Variants in SCYL3 observed in about 807,000 individuals in gnomAD.
SCYL3 encodes protein-associating with the carboxyl-terminal domain of ezrin.
Under a neutral mutation model 73.8 loss-of-function variants are expected in SCYL3, and 35 were observed. That is an observed-to-expected ratio of 0.47 (90% CI 0.36 to 0.63). SCYL3 has a LOEUF of 0.63. Among genes scored for constraint, SCYL3 ranks in the 20% least tolerant of loss-of-function variants. The pLI is 0.00. For missense variants in SCYL3, 712 were observed against 798.9 expected (o/e 0.89, Z 1.31); for synonymous variants, 277 against 295.2 (o/e 0.94, Z 0.63).
chr1:169,853,156 T>C lies in SCYL3; in HGVS notation c.*557A>G. 1.5e-6 allele frequency: 1 copy of C among 685,838 alleles called. No homozygotes were observed. Among genetic ancestry groups the C allele is most frequent in the Non-Finnish European group, 2.5e-6 (1 of 407,690 alleles). 42.5% of individuals were successfully genotyped at this position (685,838 alleles called of 1,614,324 possible). On this transcript the variant is annotated 3_prime_UTR_variant, in exon 13 of 13. Coordinates refer to ENST00000367771, the MANE Select transcript of SCYL3 (RefSeq NM_020423.7). The stretch of plus-strand genomic sequence containing the variant: ...TGTGGGGAATATTCTTATTAAGAAC[T>C]TTGGTACAATGTACTACATGTGGAA...
chr1:169,873,595 A>T (rs1660584388), intron 5 of SCYL3, 101 bp downstream of exon 5: 5 of 720,816 alleles, frequency 6.9e-6, no homozygotes, highest in Non-Finnish European at 1.2e-5. Context: ...TGAGGCATCT[A>T]TAACTCAGTA....
rs1387316519 is a variant in SCYL3, at chr1:169,851,468, G to A, written c.*2245C>T. 1.1e-5 allele frequency: 2 copies of A among 182,234 alleles called. No individual in the cohort carries two copies. Among genetic ancestry groups the A allele is most frequent in the Non-Finnish European group, 1.1e-5 (1 of 87,664 alleles). 11.3% of individuals were successfully genotyped at this position (182,234 alleles called of 1,614,324 possible). A position where few individuals can be genotyped will look rare whatever the true frequency, so the allele number is the denominator to read the frequency against. ...AGCATTCCTCCCACCAAAGTCCTGGGATTAGAGGCATGAGCCACCACACTT... is the reference window on the plus strand; with the variant it reads ...AGCATTCCTCCCACCAAAGTCCTGGAATTAGAGGCATGAGCCACCACACTT... On this transcript the variant is annotated 3_prime_UTR_variant, in exon 13 of 13. Transcript: ENST00000367771.
In SCYL3 at chr1:169,849,737, T is replaced by A; in HGVS notation, c.*3976A>T. On this transcript the variant is annotated 3_prime_UTR_variant, in exon 13 of 13. Coordinates refer to ENST00000367771, the MANE Select transcript of SCYL3 (RefSeq NM_020423.7). The stretch of plus-strand genomic sequence containing the variant: ...GAAAATTGTCTGAAGGGTACATTAC[T>A]CGTTATCTCTTTTACAGCTTCTCAA... The A allele has an allele frequency of 1.5e-6, 1 of 672,490 alleles. No homozygotes were observed. The highest frequency in any genetic ancestry group is 2.5e-6 in the Non-Finnish European group (1 of 395,886). 41.7% of individuals were successfully genotyped at this position (672,490 alleles called of 1,614,324 possible).
rs1661755488 is a variant in SCYL3 at position 169,887,360 on chromosome 1, T to C, written c.165+1316A>G. ...TGTTTTTTCCTTTAAAAACTCGATC[T>C]AGGTTATTCAATTTTCTTGGTACGT... On this transcript the variant is annotated intron_variant, in intron 2 of 12. Transcript: ENST00000367771. 3.3e-5 allele frequency among the ~76,000 whole-genome samples: 5 copies of C among 152,166 alleles called. No homozygotes were observed. In the South Asian group the frequency reaches 1.0e-3, roughly 31 times the overall value.
rs932336827 is a variant in SCYL3, at chr1:169,851,517, C to A, written c.*2196G>T. ...TTGGCCTACTTATATTACATCTAAGCTGGATTTTAAGTACATGTGTATACA... is the reference window on the plus strand; with the variant it reads ...TTGGCCTACTTATATTACATCTAAGATGGATTTTAAGTACATGTGTATACA... On this transcript the variant is annotated 3_prime_UTR_variant, in exon 13 of 13. Transcript: ENST00000367771. The A allele has an allele frequency of 2.2e-5, 6 of 267,136 alleles. No individual in the cohort carries two copies. Among genetic ancestry groups the A allele is most frequent in the Non-Finnish European group, 3.5e-5 (5 of 141,872 alleles). The allele number at this position is 267,136 out of a possible 1,614,324, so 16.5% of individuals were successfully genotyped here.
chr1:169,862,062 T>C (rs10919259), intron 10 of SCYL3, among the ~76,000 whole-genome samples: 40,647 of 152,210 alleles, frequency 0.27, 5,961 homozygotes, highest in Middle Eastern at 0.36. Flanking sequence ...CAGGGTCCTG[T>C]TGACACCCTG....
In SCYL3 at chr1:169,852,834, G is replaced by GTAC; in HGVS notation, c.*876_*878dup. The GTAC allele has an allele frequency of 6.2e-7, 1 of 1,614,116 alleles. No individual in the cohort carries two copies. The highest frequency in any genetic ancestry group is 8.5e-7 in the Non-Finnish European group (1 of 1,179,988). ...GTCAGGAGTTCCCCTGGGAAGAAGA[G>GTAC]TACAGGTCAGCGCTGCATACAATAG... On this transcript the variant is annotated 3_prime_UTR_variant, in exon 13 of 13. Transcript: ENST00000367771.
At chr1:169,879,999 G>A (rs1175043863) in intron 2 of SCYL3, among the ~76,000 whole-genome samples, 1 of 152,098 alleles carries the variant, frequency 6.6e-6, no homozygotes, top group Non-Finnish European at 1.5e-5. Flanking sequence ...CAGGTTTGGG[G>A]ACTCACACCT....
Position 169,862,673 on chromosome 1 carries a change from G to GT in SCYL3, c.1079dup (p.His360GlnfsTer28). The GT allele has an allele frequency of 6.2e-7, 1 of 1,614,176 alleles. No individual in the cohort carries two copies. Among genetic ancestry groups the GT allele is most frequent in the Non-Finnish European group, 8.5e-7 (1 of 1,180,036 alleles). Reference sequence around the variant, plus strand: ...TGAAGTGCTCCACGTAGGCCTCGATGTGAGACAGCAGCACCATCCGCACAT... The same window carrying GT: ...TGAAGTGCTCCACGTAGGCCTCGATGTTGAGACAGCAGCACCATCCGCACAT... On this transcript the variant is annotated frameshift_variant, in exon 10 of 13. Transcript: ENST00000367771. LOFTEE classifies it high-confidence loss of function.
chr1:169,874,466 T>C (rs1286550855), intron 4 of SCYL3, among the ~76,000 whole-genome samples: 1 of 152,128 alleles, frequency 6.6e-6, no homozygotes, highest in Admixed American at 6.5e-5. Context: ...AGAAAGGAGA[T>C]TAAAGCCAGA....
intron 3 of SCYL3, 95 bp from the exon 4 acceptor site, chr1:169,876,186 T>C (rs1036011513): frequency 2.8e-5 from 19 of 681,256 alleles, no homozygotes; most frequent in Non-Finnish European, 4.0e-5. Context: ...CTCACAATCT[T>C]TATTTTAAAA....
chr1:169,889,985 A>G (rs533352928), intron 1 of SCYL3, among the ~76,000 whole-genome samples: 1 of 152,350 alleles, frequency 6.6e-6, no homozygotes, highest in South Asian at 2.1e-4. Flanking sequence ...ATCTTCTACA[A>G]TATGAACAGC....
At chr1:169,856,552 G>A (rs1352934392) in intron 11 of SCYL3, among the ~76,000 whole-genome samples, 2 of 152,042 alleles carry the variant, frequency 1.3e-5, no homozygotes, top group South Asian at 2.1e-4. Flanking sequence ...AACTCTTAAC[G>A]ATTAGGTCCC....
intron 4 of SCYL3, among the ~76,000 whole-genome samples, chr1:169,875,711 G>A (rs925279687): frequency 3.3e-5 from 5 of 152,138 alleles, no homozygotes; most frequent in African/African-American, 1.2e-4. Flanking sequence ...CAGAGAGGAG[G>A]GGCATTTAAC....
rs61734334 is a variant in SCYL3 at position 169,878,679 on chromosome 1, A to T, written c.306T>A (p.Ala102=). Residue 102 remains alanine (A), a synonymous_variant, in exon 3 of 13, where the codon GCT becomes GCA. Transcript: ENST00000367771. ...GAGCCAGCAATATGTCATAGATCCC[A>T]GCACAGACCTCTGCAGAAGACAATG... is the stretch of plus-strand genomic sequence containing the variant. ...LETLSSAEVC[A]GIYDILLALI... The T allele has an allele frequency of 2.4e-3, 3,805 of 1,614,144 alleles. 73 individuals carry two copies. In the African/African-American group the frequency reaches 0.043, roughly 18 times the overall value.
intron 1 of SCYL3, among the ~76,000 whole-genome samples, chr1:169,891,088 A>T (rs1458661093): frequency 6.6e-6 from 1 of 152,200 alleles, no homozygotes; most frequent in Admixed American, 6.5e-5. Flanking sequence ...TGAAGAGATA[A>T]ACTGGCCAGA....
intron 2 of SCYL3, among the ~76,000 whole-genome samples, chr1:169,880,854 C>T (rs1378269244): frequency 3.3e-5 from 5 of 151,794 alleles, no homozygotes; most frequent in Admixed American, 6.6e-5. Context: ...CTCCGCCTCC[C>T]GGGTTCAAGT....
At chr1:169,866,299 T>C (rs564967094) in intron 8 of SCYL3, among the ~76,000 whole-genome samples, 10 of 152,248 alleles carry the variant, frequency 6.6e-5, no homozygotes, top group South Asian at 2.1e-4. Flanking sequence ...CTGCCTGGAC[T>C]ACCATAGTCA....
intron 4 of SCYL3, 77 bp downstream of exon 4, chr1:169,875,901 A>C (rs763628896): frequency 1.1e-4 from 85 of 797,698 alleles, no homozygotes; most frequent in Non-Finnish European, 1.5e-4. Context: ...ACACTGAAGG[A>C]AAGTGCCTAG....
Sources: gnomAD v4.1 joint callset for allele counts (sites outside exome capture counted in the v4.1 genomes callset) on GRCh38, gnomAD v4.1.1 for gene constraint, MANE v1.5 for transcripts, NCBI Gene and HGNC (gene_info 2026-07-23, HGNC 2026-07-21) for gene names.